Variants in ZNF883 observed in about 807,000 individuals in gnomAD.
ZNF883 encodes zinc finger protein 883.
upstream of ZNF883, among the ~76,000 whole-genome samples, chr9:113,001,753 T>C (rs1332087697): frequency 6.6e-6 from 1 of 152,198 alleles, no homozygotes; most frequent in Non-Finnish European, 1.5e-5. Flanking sequence ...AGTTGGAAGA[T>C]AATATCAATG....
chr9:112,998,875 G>T (rs1291547019), upstream of ZNF883: 2 of 152,104 alleles, frequency 1.3e-5, no homozygotes, highest in Admixed American at 1.3e-4. Flanking sequence ...TTGGTCTTTG[G>T]TTAAATGTTT....
chr9:112,997,566 T>C (rs1376602709), exon 1 of ZNF883: 2 of 1,614,036 alleles, frequency 1.2e-6, no homozygotes, highest in Admixed American at 1.7e-5. Context: ...TTTTCTCCAG[T>C]ATGAATTCTT....
At chr9:112,996,336 T>G (rs1197945314), downstream of ZNF883, among the ~76,000 whole-genome samples, 1 of 152,174 alleles carries the variant, frequency 6.6e-6, no homozygotes, top group African/African-American at 2.4e-5. Flanking sequence ...GAGAAAACAT[T>G]ATTTGTCTAT....
chr9:112,991,417 G>T (rs1455369942), intron 1 of ZNF883, among the ~76,000 whole-genome samples: 2 of 152,094 alleles, frequency 1.3e-5, no homozygotes, highest in East Asian at 3.9e-4. Flanking sequence ...TTAATCTTGT[G>T]TTCTAATTTG....
At chr9:112,997,505 A>C (rs1434455402) in exon 1 of ZNF883, 1 of 1,614,166 alleles carries the variant, frequency 6.2e-7, no homozygotes, top group Admixed American at 1.7e-5. Flanking sequence ...GTGTTCAGTA[A>C]GATGTGCACT....
chr9:113,006,754 T>C (rs779925408), intron 2 of ZNF883, among the ~76,000 whole-genome samples: 5 of 152,220 alleles, frequency 3.3e-5, no homozygotes, highest in Admixed American at 6.5e-5. Context: ...TACCATCTAA[T>C]CTGTCTCTCT....
chr9:113,001,821 T>G (rs553756348), upstream of ZNF883, among the ~76,000 whole-genome samples: 2 of 152,232 alleles, frequency 1.3e-5, no homozygotes, highest in African/African-American at 2.4e-5. Context: ...GAAATGTTGA[T>G]ACTTCTAAGG....
chr9:112,996,242 T>C (rs1828352955), downstream of ZNF883, among the ~76,000 whole-genome samples: 1 of 152,194 alleles, frequency 6.6e-6, no homozygotes, highest in Non-Finnish European at 1.5e-5. Context: ...TGAGAATTTA[T>C]TGCAATTTTC....
chr9:112,988,143 TA>T (rs1564329905), intron 1 of ZNF883, among the ~76,000 whole-genome samples: 1 of 152,088 alleles, frequency 6.6e-6, no homozygotes, highest in East Asian at 1.9e-4. Context: ...TTGTATCTTT[TA>T]AAAAAATTTA....
At chr9:112,990,983 T>C (rs548969735) in intron 1 of ZNF883, among the ~76,000 whole-genome samples, 2 of 152,290 alleles carry the variant, frequency 1.3e-5, no homozygotes, top group Non-Finnish European at 2.9e-5. Context: ...TTATTGTGTC[T>C]ATTTGATTCT....
chr9:113,011,714 A>G (rs926880564), intron 1 of ZNF883, among the ~76,000 whole-genome samples: 2 of 152,172 alleles, frequency 1.3e-5, no homozygotes, highest in Non-Finnish European at 2.9e-5. Flanking sequence ...CCTAAATTCT[A>G]GTTGGCACTA....
intron 2 of ZNF883, among the ~76,000 whole-genome samples, chr9:113,007,234 A>G (rs575325693): frequency 6.6e-6 from 1 of 152,222 alleles, no homozygotes; most frequent in Non-Finnish European, 1.5e-5. Context: ...GGTACCCCTG[A>G]CGGGGTAGAT....
chr9:112,997,964 C>T lies in ZNF883; in HGVS notation n.296G>A, dbSNP rs760335310. ...ACTAAAGGTTTTTTCACATTCATTA[C>T]ACTCATAAGGTTTCTCCCCAGTATG... On this transcript the variant is annotated non_coding_transcript_exon_variant, in exon 1 of 1. Coordinates refer to ENST00000639662, the Ensembl canonical transcript of ZNF883. 45 of 1,613,720 alleles carry T rather than the reference C, an allele frequency of 2.8e-5. 2 individuals carry two copies. The South Asian group carries it at 4.8e-4, about 17-fold the overall frequency.
intron 1 of ZNF883, among the ~76,000 whole-genome samples, chr9:112,988,658 TGGGTATATACTCA>T (rs904849281): frequency 6.6e-6 from 1 of 152,178 alleles, no homozygotes; most frequent in Non-Finnish European, 1.5e-5. Flanking sequence ...TATATTCCTT[TGGGTATATACTCA>T]GTAATGGGAT....
chr9:113,011,080 G>T (rs929798217), intron 2 of ZNF883, 61 bp downstream of exon 2: 1 of 151,866 alleles, frequency 6.6e-6, no homozygotes, highest in African/African-American at 2.4e-5. Flanking sequence ...CACACTGCAA[G>T]ATGGAACTTT....
downstream of ZNF883, chr9:112,997,082 C>A: frequency 6.6e-7 from 1 of 1,514,956 alleles, no homozygotes; most frequent in Non-Finnish European, 8.8e-7. Flanking sequence ...CAGGTGTAAA[C>A]AATAACCTAC....
At chr9:112,998,555 T>A (rs1481302402), upstream of ZNF883, 1 of 231,382 alleles carries the variant, frequency 4.3e-6, no homozygotes, top group Non-Finnish European at 8.3e-6. Context: ...AAATATTATA[T>A]GGAAAATTCC....
intron 2 of ZNF883, among the ~76,000 whole-genome samples, chr9:113,003,356 C>T (rs1286678028): frequency 6.6e-6 from 1 of 152,164 alleles, no homozygotes. Flanking sequence ...GCTTGCTGAA[C>T]TGGGAGTCCA....
chr9:112,993,107 C>T (rs1364933115), downstream of ZNF883, among the ~76,000 whole-genome samples: 1 of 152,222 alleles, frequency 6.6e-6, no homozygotes, highest in East Asian at 1.9e-4. Context: ...GTTCTGTGTC[C>T]TTCCTGGAGA....
Sources: allele counts gnomAD v4.1 joint callset (sites outside exome capture counted in the v4.1 genomes callset), GRCh38; gene constraint gnomAD v4.1.1; transcripts MANE v1.5; gene names NCBI Gene and HGNC (gene_info 2026-07-23, HGNC 2026-07-21).